FHOD3: variants seen among roughly 807,000 people sequenced by gnomAD.
FHOD3 encodes the protein FH1/FH2 domain-containing protein 3.
In FHOD3, 90 loss-of-function variants were observed where a neutral mutation model predicts 173.0. The observed-to-expected ratio is 0.52, with a 90% CI of 0.44 to 0.62. The LOEUF is 0.62. FHOD3 is among the 20% of genes least tolerant of loss of function. FHOD3 has a pLI of 0.00. For missense variants in FHOD3, 1,945 were observed against 2,034.7 expected (o/e 0.96, Z 0.85); for synonymous variants, 828 against 823.0 (o/e 1.01, Z -0.10).
chr18:36,695,771 T>A (rs1328380602), intron 17 of FHOD3, among the ~76,000 whole-genome samples: 2 of 152,242 alleles, frequency 1.3e-5, no homozygotes, highest in African/African-American at 4.8e-5. Flanking sequence ...AATGCAAAGT[T>A]GGTGTCACCA....
At chr18:36,730,286 C>T (rs72883506) in intron 19 of FHOD3, among the ~76,000 whole-genome samples, 15,038 of 152,218 alleles carry the variant, frequency 0.099, 1,004 homozygotes, top group Non-Finnish European at 0.14. Context: ...CCAAGACATT[C>T]GGACACCTCA....
chr18:36,465,380 T>C (rs571249289), intron 3 of FHOD3, among the ~76,000 whole-genome samples: 1 of 152,272 alleles, frequency 6.6e-6, no homozygotes, highest in South Asian at 2.1e-4. Flanking sequence ...CAAGCAATGA[T>C]GTTCGTGGCT....
Position 36,740,683 on chromosome 18 carries a change from G to A in FHOD3, c.3604G>A (p.Glu1202Lys), listed in dbSNP as rs2041861193. The A allele has an allele frequency of 6.2e-7, 1 of 1,613,780 alleles. No individual in the cohort carries two copies. Among genetic ancestry groups the A allele is most frequent in the Non-Finnish European group, 8.5e-7 (1 of 1,179,984 alleles). ...EKILTMIPTD[E>K]EKQKIQEAQL... ...AATTCTAACGATGATTCCCACCGAT[G>A]AGGAGAAGCAGAAAATCCAGGAAGC... Residue 1202 changes from glutamate to lysine, a missense_variant, in exon 21 of 29, where the codon GAG (glutamate) becomes AAG (lysine). Physicochemically the swap from Glu to Lys is moderately conservative, Grantham distance 56 (BLOSUM62 1). Transcript: ENST00000590592.
Position 36,744,056 on chromosome 18 carries a change from C to T in FHOD3, c.3904C>T (p.Leu1302Phe). ...GGCCAAAGCGTTTGAGTTAAGCTAC[C>T]TCGAGAAGGTTCCAGAAGTCAAAGA... The part of the protein sequence containing the change: ...TNAKAFELSY[L>F]EKVPEVKDTV... The change falls in exon 23 of 29, where the codon CTC (leucine) becomes TTC (phenylalanine). Residue 1302 changes from leucine to phenylalanine, a missense_variant. Coordinates refer to ENST00000590592, the MANE Select transcript of FHOD3 (RefSeq NM_001281740.3). 1.2e-6 allele frequency: 2 copies of T among 1,614,154 alleles called. No homozygotes were observed.
intron 3 of FHOD3, among the ~76,000 whole-genome samples, chr18:36,453,637 G>A (rs1177902771): frequency 2.6e-5 from 4 of 152,238 alleles, no homozygotes; most frequent in Admixed American, 2.6e-4. Context: ...GGGGTCCAGA[G>A]TCCAAGGCAT....
At chr18:36,298,580 G>A (rs1598615209) in intron 1 of FHOD3, among the ~76,000 whole-genome samples, 1 of 152,260 alleles carries the variant, frequency 6.6e-6, no homozygotes. Context: ...CTGCGATAGC[G>A]CTCAGGGTAT....
Position 36,718,521 on chromosome 18 carries a change from G to A in FHOD3, c.3223G>A (p.Gly1075Ser). The A allele has an allele frequency of 6.2e-7, 1 of 1,614,036 alleles. No homozygotes were observed. The highest frequency in any genetic ancestry group is 8.5e-7 in the Non-Finnish European group (1 of 1,180,010). The change falls in exon 19 of 29, where the codon GGT (glycine) becomes AGT (serine). Residue 1075 changes from glycine to serine, a missense_variant. Transcript: ENST00000590592. ...CTTAGGGTGGTCCCAGGTACCCAGG[G>A]GTCAGCCCACATTCACTAAGAAAAA... ...QGLGWSQVPR[G>S]QPTFTKKKKT...
intron 3 of FHOD3, among the ~76,000 whole-genome samples, chr18:36,486,301 A>T (rs1421680216): frequency 6.6e-6 from 1 of 152,074 alleles, no homozygotes; most frequent in Non-Finnish European, 1.5e-5. Context: ...CATTATCTGT[A>T]CTCTATCTCA....
chr18:36,652,977 G>A lies in FHOD3; in HGVS notation c.1646+48G>A, dbSNP rs767113394. ...TTGTTTGAGATTAACTCGGGGAGGAGAACACAGTGTGTTAACTGCACCCCT... is the reference window on the plus strand; with the variant it reads ...TTGTTTGAGATTAACTCGGGGAGGAAAACACAGTGTGTTAACTGCACCCCT... On this transcript the variant is annotated intron_variant, in intron 12 of 28. Transcript: ENST00000590592. 2.7e-6 allele frequency: 4 copies of A among 1,493,360 alleles called. No homozygotes were observed. In the South Asian group the frequency reaches 5.2e-5, roughly 19 times the overall value. 92.5% of individuals were successfully genotyped at this position (1,493,360 alleles called of 1,614,324 possible). A position where few individuals can be genotyped will look rare whatever the true frequency, so the allele number is the denominator to read the frequency against.
At chr18:36,736,895 C>G (rs1269895135) in intron 20 of FHOD3, among the ~76,000 whole-genome samples, 3 of 152,232 alleles carry the variant, frequency 2.0e-5, no homozygotes, top group Admixed American at 6.5e-5. Context: ...CTATCCCTAT[C>G]AACATATTGG....
Position 36,693,334 on chromosome 18 carries a change from C to T in FHOD3, c.2147C>T (p.Ala716Val). 1 of 1,613,932 alleles carries T rather than the reference C, an allele frequency of 6.2e-7. No individual in the cohort carries two copies. The highest frequency in any genetic ancestry group is 8.5e-7 in the Non-Finnish European group (1 of 1,179,842). The change falls in exon 17 of 29, where the codon GCT becomes GTT. Residue 716 changes from alanine (A) to valine (V), a missense_variant. By Grantham distance (64) the Ala-to-Val change is moderately conservative (BLOSUM62 0). Around this residue, in one of 5 missense-constraint regions of FHOD3, gnomAD observed 1,099 missense variants for 1,051.2 expected, o/e 1.05. Coordinates refer to ENST00000590592, the MANE Select transcript of FHOD3 (RefSeq NM_001281740.3). ...LTSPAAPACL[A>V]PLSHSPSSSD... ...TCGCCAGCAGCCCCAGCCTGCCTGG[C>T]TCCTCTGAGCCATAGCCCCTCATCT... is the stretch of plus-strand genomic sequence containing the variant.
chr18:36,643,152 G>A lies in FHOD3; in HGVS notation c.1197-6164G>A, dbSNP rs189850552. Among the ~76,000 whole-genome samples, 423 of 151,802 alleles carry A rather than the reference G, an allele frequency of 2.8e-3. 2 individuals carry two copies. Among genetic ancestry groups the A allele is most frequent in the Non-Finnish European group, 4.7e-3 (319 of 67,920 alleles). Reference sequence around the variant, plus strand: ...ATTTTTTCCCTTCAGAGGGCATTTGGGTCATTTCCAGCTTTTGACAATTAC... The same window carrying A: ...ATTTTTTCCCTTCAGAGGGCATTTGAGTCATTTCCAGCTTTTGACAATTAC... On this transcript the variant is annotated intron_variant, in intron 10 of 28. Coordinates refer to ENST00000590592, the MANE Select transcript of FHOD3 (RefSeq NM_001281740.3).
rs1166594111 is a variant in FHOD3 at position 36,653,334 on chromosome 18, T to C, written c.1647-8T>C. The C allele has an allele frequency of 2.0e-6, 3 of 1,532,580 alleles. No homozygotes were observed. In the Admixed American group the frequency reaches 5.9e-5, roughly 30 times the overall value. The allele number at this position is 1,532,580 out of a possible 1,614,324, so 94.9% of individuals were successfully genotyped here. A position where few individuals can be genotyped will look rare whatever the true frequency, so the allele number is the denominator to read the frequency against. On this transcript the variant is annotated splice_region_variant and splice_polypyrimidine_tract_variant and intron_variant, in intron 12 of 28. Coordinates refer to ENST00000590592, the MANE Select transcript of FHOD3 (RefSeq NM_001281740.3). Reference sequence around the variant, plus strand: ...CACATTGTGAGCGGGCTTTTCTTCCTTTGACAGTTCCTCTGATTCTTTCTC... The same window carrying C: ...CACATTGTGAGCGGGCTTTTCTTCCCTTGACAGTTCCTCTGATTCTTTCTC...
chr18:36,456,340 C>G (rs9959707), intron 3 of FHOD3, among the ~76,000 whole-genome samples: 3 of 151,964 alleles, frequency 2.0e-5, no homozygotes, highest in Non-Finnish European at 4.4e-5. Context: ...AGCTGGGGTC[C>G]GGGCTGTAGA....
chr18:36,458,926 C>A (rs1159029150), intron 3 of FHOD3, among the ~76,000 whole-genome samples: 1 of 152,158 alleles, frequency 6.6e-6, no homozygotes, highest in Non-Finnish European at 1.5e-5. Flanking sequence ...TCAGACACTG[C>A]TGTTACTGAA....
intron 10 of FHOD3, among the ~76,000 whole-genome samples, chr18:36,634,385 C>T (rs2034728757): frequency 6.6e-6 from 1 of 152,068 alleles, no homozygotes; most frequent in Non-Finnish European, 1.5e-5. Context: ...TGTTTACATG[C>T]CTAAGTTTTA....
At chr18:36,346,094 A>C (rs575831583) in intron 1 of FHOD3, among the ~76,000 whole-genome samples, 113 of 152,220 alleles carry the variant, frequency 7.4e-4, no homozygotes, top group Non-Finnish European at 1.4e-3. Context: ...GGCTGGGCAC[A>C]GTGGCTCATG....
chr18:36,715,518 C>T (rs539499353), intron 18 of FHOD3, among the ~76,000 whole-genome samples: 44 of 152,324 alleles, frequency 2.9e-4, no homozygotes, highest in Middle Eastern at 3.4e-3. Context: ...GAGGCAAACC[C>T]AGAGGAGTAA....
At chr18:36,399,373 C>T (rs1342461654) in intron 3 of FHOD3, among the ~76,000 whole-genome samples, 1 of 152,222 alleles carries the variant, frequency 6.6e-6, no homozygotes, top group Non-Finnish European at 1.5e-5. Context: ...TGAGCTGTCT[C>T]ACTTGAGTAC....
Sources: allele counts gnomAD v4.1 joint callset (sites outside exome capture counted in the v4.1 genomes callset), GRCh38; gene constraint gnomAD v4.1.1; regional missense constraint gnomAD v4.1.1; transcripts MANE v1.5; gene names NCBI Gene and HGNC (gene_info 2026-07-23, HGNC 2026-07-21).